CNTN6: variants seen among roughly 807,000 people sequenced by gnomAD.
CNTN6 encodes the protein contactin 6.
In CNTN6, 137 loss-of-function variants were observed where a neutral mutation model predicts 122.8. The ratio of observed to expected loss-of-function variants is 1.12; its 90% CI spans 0.97 to 1.29. CNTN6 has a LOEUF of 1.29. Among genes scored for constraint, CNTN6 ranks in the 50% most tolerant of loss-of-function variants. The pLI, the probability that CNTN6 is intolerant of heterozygous loss-of-function variation, is 0.00. For synonymous variants in CNTN6, 570 were observed against 426.0 expected (o/e 1.34, Z -4.16); for missense variants, 1,634 against 1,223.4 (o/e 1.34, Z -5.01).
chr3:1,265,993 A>C (rs1377285723), intron 4 of CNTN6, among the ~76,000 whole-genome samples: 2 of 152,112 alleles, frequency 1.3e-5, no homozygotes, highest in African/African-American at 4.8e-5. Flanking sequence ...TTTAAAAGGC[A>C]ATACATAGTT....
chr3:1,193,378 G>C (rs2093729994), intron 2 of CNTN6, among the ~76,000 whole-genome samples: 3 of 152,086 alleles, frequency 2.0e-5, no homozygotes, highest in Middle Eastern at 6.3e-3. Flanking sequence ...TCCACCATTT[G>C]TTAGTTATAT....
chr3:1,213,580 A>G (rs1365810867), intron 2 of CNTN6, among the ~76,000 whole-genome samples: 4 of 152,036 alleles, frequency 2.6e-5, no homozygotes, highest in Admixed American at 1.3e-4. Flanking sequence ...CTTTCTCTAA[A>G]AATAAAAATT....
chr3:1,256,723 G>A lies in CNTN6; in HGVS notation c.359-21690G>A, dbSNP rs547654495. Among the ~76,000 whole-genome samples, 3 of 152,154 alleles carry A rather than the reference G, an allele frequency of 2.0e-5. No individual in the cohort carries two copies. The South Asian group carries it at 6.2e-4, about 32-fold the overall frequency. Reference sequence around the variant, plus strand: ...TATTAGACATCAGGGAATATAAATAGATATGTTCATGGTTTTAAATGGCTA... The same window carrying A: ...TATTAGACATCAGGGAATATAAATAAATATGTTCATGGTTTTAAATGGCTA... On this transcript the variant is annotated intron_variant, in intron 4 of 22. Transcript: ENST00000446702.
intron 16 of CNTN6, among the ~76,000 whole-genome samples, chr3:1,376,551 TATTTA>T (rs1321144370): frequency 1.3e-5 from 2 of 152,170 alleles, no homozygotes; most frequent in African/African-American, 4.8e-5. Context: ...TATTTTTCAG[TATTTA>T]ATTTTAACTG....
rs541646839 is a variant in CNTN6, at chr3:1,339,232, A to G, written c.1364+9297A>G. Among the ~76,000 whole-genome samples the G allele has an allele frequency of 7.2e-5, 11 of 152,220 alleles. No homozygotes were observed. The East Asian group carries it at 2.1e-3, about 29-fold the overall frequency. On this transcript the variant is annotated intron_variant, in intron 11 of 22. Coordinates refer to ENST00000446702, the MANE Select transcript of CNTN6 (RefSeq NM_001289080.2). Reference sequence around the variant, plus strand: ...CGGAGGGAGAACCAGAACCCCACTCAATGCCCTCCTCAATCCCTCTCACCC... The same window carrying G: ...CGGAGGGAGAACCAGAACCCCACTCGATGCCCTCCTCAATCCCTCTCACCC...
intron 12 of CNTN6, among the ~76,000 whole-genome samples, chr3:1,371,496 A>G (rs1709006851): frequency 6.6e-6 from 1 of 151,914 alleles, no homozygotes; most frequent in Non-Finnish European, 1.5e-5. Flanking sequence ...TGAATTCTCA[A>G]CTCTCTGGAA....
intron 11 of CNTN6, among the ~76,000 whole-genome samples, chr3:1,332,957 T>C (rs1411615184): frequency 6.6e-6 from 1 of 152,090 alleles, no homozygotes; most frequent in Admixed American, 6.6e-5. Flanking sequence ...GTCATGGCTT[T>C]AAGAAGACAA....
chr3:1,377,179 A>G (rs1709993403), intron 17 of CNTN6, 104 bp downstream of exon 17: 2 of 705,570 alleles, frequency 2.8e-6, no homozygotes, highest in African/African-American at 1.8e-5. Context: ...GAGAGCGTAA[A>G]AAAATATGGT....
intron 5 of CNTN6, among the ~76,000 whole-genome samples, chr3:1,282,581 C>CA (rs1393227398): frequency 4.6e-5 from 7 of 152,132 alleles, no homozygotes; most frequent in African/African-American, 1.7e-4. Flanking sequence ...CCCATATTTC[C>CA]AAAAAATCTT....
At chr3:1,260,411 A>G (rs1575459820) in intron 4 of CNTN6, among the ~76,000 whole-genome samples, 1 of 152,038 alleles carries the variant, frequency 6.6e-6, no homozygotes, top group Non-Finnish European at 1.5e-5. Context: ...GTGTAGTCCC[A>G]AAGATAGATT....
At chr3:1,380,149 A>AAT (rs1710452210) in intron 17 of CNTN6, among the ~76,000 whole-genome samples, 3 of 152,134 alleles carry the variant, frequency 2.0e-5, no homozygotes, top group African/African-American at 7.2e-5. Flanking sequence ...TTGTAGTTGA[A>AAT]ATAGTACCTG....
At chr3:1,327,848 T>G (rs9310417) in intron 10 of CNTN6, among the ~76,000 whole-genome samples, 5,262 of 151,928 alleles carry the variant, frequency 0.035, 318 homozygotes, top group African/African-American at 0.12. Context: ...CTAGCATGAA[T>G]TTTTGAGTAT....
intron 1 of CNTN6, among the ~76,000 whole-genome samples, chr3:1,121,324 G>A (rs2091940837): frequency 6.6e-6 from 1 of 151,840 alleles, no homozygotes; most frequent in Admixed American, 6.6e-5. Context: ...TTTTGAAATT[G>A]AATCTCTTAT....
intron 17 of CNTN6, among the ~76,000 whole-genome samples, chr3:1,379,031 T>C (rs1245451293): frequency 6.6e-6 from 1 of 152,182 alleles, no homozygotes; most frequent in Non-Finnish European, 1.5e-5. Flanking sequence ...ATCATCATAG[T>C]GTACAGGAAG....
At chr3:1,128,144 T>C (rs1457188286) in intron 1 of CNTN6, 1 of 152,034 alleles carries the variant, frequency 6.6e-6, no homozygotes, top group African/African-American at 2.4e-5. Flanking sequence ...TAACTAAATT[T>C]GACTCTTTTA....
chr3:1,385,681 C>A lies in CNTN6; in HGVS notation c.2588C>A (p.Thr863Asn). The A allele has an allele frequency of 6.2e-7, 1 of 1,613,994 alleles. No homozygotes were observed. The highest frequency in any genetic ancestry group is 1.7e-4 in the Middle Eastern group (1 of 6,060). ...GKIRVSGNVT[T>N]KNITGLKANT... ...ATTAGAGTCAGTGGAAATGTCACAACCAAAAACATCACGGGGCTGAAAGCT... is the reference window on the plus strand; with the variant it reads ...ATTAGAGTCAGTGGAAATGTCACAAACAAAAACATCACGGGGCTGAAAGCT... Residue 863 changes from threonine to asparagine, a missense_variant, in exon 20 of 23, where the codon ACC (threonine) becomes AAC (asparagine). Physicochemically the swap from Thr to Asn is moderately conservative, Grantham distance 65. Coordinates refer to ENST00000446702, the MANE Select transcript of CNTN6 (RefSeq NM_001289080.2).
Position 1,383,033 on chromosome 3 carries a change from T to C in CNTN6, c.2258T>C (p.Val753Ala). ...VGSTTWSKEKVSSVESSRFVY... is the reference protein window; with the variant it reads ...VGSTTWSKEKASSVESSRFVY... ...TCGACAACCTGGTCCAAGGAGAAAG[T>C]GTCATCTGTGGAATCATCAAGGTTT... The change falls in exon 18 of 23, where the codon GTG becomes GCG. Residue 753 changes from valine to alanine, a missense_variant. By Grantham distance (64) the Val-to-Ala change is moderately conservative (BLOSUM62 0). Coordinates refer to ENST00000446702, the MANE Select transcript of CNTN6 (RefSeq NM_001289080.2). 3.1e-6 allele frequency: 5 copies of C among 1,614,064 alleles called. No individual in the cohort carries two copies. Among genetic ancestry groups the C allele is most frequent in the Admixed American group, 1.7e-5 (1 of 60,010 alleles).
At chr3:1,286,517 G>T (rs1393434138) in intron 5 of CNTN6, among the ~76,000 whole-genome samples, 1 of 152,098 alleles carries the variant, frequency 6.6e-6, no homozygotes, top group Non-Finnish European at 1.5e-5. Context: ...TCCCTGCAAA[G>T]GACATGAACT....
intron 1 of CNTN6, among the ~76,000 whole-genome samples, chr3:1,102,518 C>G (rs2090961079): frequency 6.6e-6 from 1 of 151,698 alleles, no homozygotes; most frequent in Non-Finnish European, 1.5e-5. Context: ...ATCACCAGGT[C>G]AGGAGATCGA....
Sources: allele counts gnomAD v4.1 joint callset (sites outside exome capture counted in the v4.1 genomes callset), GRCh38; gene constraint gnomAD v4.1.1; transcripts MANE v1.5; gene names NCBI Gene and HGNC (gene_info 2026-07-23, HGNC 2026-07-21).